CSMD3: variants seen among roughly 807,000 people sequenced by gnomAD.
The protein encoded by CSMD3 is CUB and Sushi multiple domains 3, also known as CUB and sushi domain-containing protein 3.
A neutral mutation model predicts 435.2 loss-of-function variants in CSMD3; 177 were observed. The observed-to-expected ratio is 0.41, with a 90% CI of 0.36 to 0.46. The LOEUF (loss-of-function observed/expected upper bound fraction) is 0.46. CSMD3 is among the 20% of genes least tolerant of loss of function. The pLI, the probability that CSMD3 is intolerant of heterozygous loss-of-function variation, is 0.34. For synonymous variants in CSMD3, 1,656 were observed against 1,520.5 expected, an observed-to-expected ratio of 1.09 and a Z score of -2.07; for missense variants, 4,265 against 4,504.6, an observed-to-expected ratio of 0.95 and a Z score of 1.52.
chr8:112,931,342 C>T (rs1283243705), intron 9 of CSMD3, among the ~76,000 whole-genome samples: 1 of 151,828 alleles, frequency 6.6e-6, no homozygotes, highest in East Asian at 1.9e-4. Context: ...ATTAGAAATG[C>T]CTTTCCAACA....
At chr8:113,257,470 A>G (rs1326146793) in intron 3 of CSMD3, among the ~76,000 whole-genome samples, 2 of 152,148 alleles carry the variant, frequency 1.3e-5, no homozygotes, top group Non-Finnish European at 2.9e-5. Context: ...ACCTGAACAC[A>G]TGAAGTTTCC....
chr8:112,383,598 G>T lies in CSMD3; in HGVS notation c.6000C>A (p.Asp2000Glu), dbSNP rs1388509519. ...WDSLDFYDGG[D>E]NNAPRLGSYS... Reference sequence around the variant, plus strand: ...AGCTTCCAAGTCTTGGAGCATTGTTGTCTCCCCCATCATAAAAGTCCAGAG... The same window carrying T: ...AGCTTCCAAGTCTTGGAGCATTGTTTTCTCCCCCATCATAAAAGTCCAGAG... Residue 2000 changes from aspartate to glutamate, a missense_variant, in exon 37 of 71, where the codon GAC (aspartate) becomes GAA (glutamate). Physicochemically the swap from Asp to Glu is conservative, Grantham distance 45. Coordinates refer to ENST00000297405, the MANE Select transcript of CSMD3 (RefSeq NM_198123.2). 6.2e-7 allele frequency: 1 copy of T among 1,602,938 alleles called. No homozygotes were observed. The highest frequency in any genetic ancestry group is 1.1e-5 in the South Asian group (1 of 90,856).
chr8:113,398,409 T>C (rs1194451920), intron 1 of CSMD3, among the ~76,000 whole-genome samples: 2 of 152,160 alleles, frequency 1.3e-5, no homozygotes, highest in East Asian at 3.9e-4. Flanking sequence ...CACAGTTTAA[T>C]TACTGTAACA....
chr8:113,026,877 A>G (rs960926097), intron 5 of CSMD3, among the ~76,000 whole-genome samples: 1 of 152,286 alleles, frequency 6.6e-6, no homozygotes, highest in East Asian at 1.9e-4. Context: ...AACTCTTCCT[A>G]TGGCATGTCT....
At chr8:112,962,960 A>C (rs2084286514) in intron 7 of CSMD3, among the ~76,000 whole-genome samples, 1 of 151,964 alleles carries the variant, frequency 6.6e-6, no homozygotes. Flanking sequence ...ATTGAATTAG[A>C]ATCTGCAGTT....
chr8:113,404,941 G>A (rs189847579), intron 1 of CSMD3, among the ~76,000 whole-genome samples: 212 of 151,530 alleles, frequency 1.4e-3, no homozygotes, highest in African/African-American at 4.8e-3. Flanking sequence ...GAACTACTAG[G>A]TCGTAGTTAT....
intron 45 of CSMD3, among the ~76,000 whole-genome samples, chr8:112,323,185 A>G (rs1823165736): frequency 6.8e-6 from 1 of 146,180 alleles, no homozygotes. Context: ...ACCTCTTTTC[A>G]TCTGTTTCTC....
At chr8:112,898,868 C>G (rs72680291) in intron 10 of CSMD3, among the ~76,000 whole-genome samples, 21,154 of 150,878 alleles carry the variant, frequency 0.14, 1,709 homozygotes, top group Middle Eastern at 0.29. Context: ...TGGACAACAC[C>G]AAGGGAAACT....
chr8:112,998,799 T>C lies in CSMD3; in HGVS notation c.1030+20268A>G, dbSNP rs139924554. On this transcript the variant is annotated intron_variant, in intron 6 of 70. Transcript: ENST00000297405. ...TCACCCTTTGGTGCTGTTTTGGTGA[T>C]AGGGTTCTCATGAGATCTGGTTGTT... Among the ~76,000 whole-genome samples, 17 of 151,996 alleles carry C rather than the reference T, an allele frequency of 1.1e-4. 1 individual carries two copies. The South Asian group carries it at 1.7e-3, about 15-fold the overall frequency.
intron 2 of CSMD3, chr8:113,311,676 A>G (rs1161925627): frequency 6.6e-6 from 1 of 152,138 alleles, no homozygotes; most frequent in Non-Finnish European, 1.5e-5. Flanking sequence ...CTAATCAAAC[A>G]GCAGATTTTG....
chr8:112,479,170 G>T (rs1185378111), intron 31 of CSMD3, among the ~76,000 whole-genome samples: 1 of 152,214 alleles, frequency 6.6e-6, no homozygotes, highest in Non-Finnish European at 1.5e-5. Context: ...AGGCCCAGGT[G>T]GGGTGTCGCT....
chr8:113,001,355 C>T (rs2085857116), intron 6 of CSMD3, among the ~76,000 whole-genome samples: 1 of 152,106 alleles, frequency 6.6e-6, no homozygotes, highest in Non-Finnish European at 1.5e-5. Context: ...GTTTTAGCCA[C>T]ATGGGCATTT....
In CSMD3 at chr8:112,666,320, T is replaced by C; in HGVS notation, c.2773A>G (p.Ile925Val). ...ATAGAGTGTCCAGGTTCAGCTTCAA[T>C]CACCCACTCACAATTCAAAGAGTCT... is the stretch of plus-strand genomic sequence containing the variant. ...YKDSLNCEWV[I>V]EAEPGHSIKI... Residue 925 changes from isoleucine to valine, a missense_variant, in exon 17 of 71, where the codon ATT (isoleucine) becomes GTT (valine). Physicochemically the swap from Ile to Val is conservative, Grantham distance 29. Coordinates refer to ENST00000297405, the MANE Select transcript of CSMD3 (RefSeq NM_198123.2). The C allele has an allele frequency of 1.2e-6, 2 of 1,612,434 alleles. No individual in the cohort carries two copies. Among genetic ancestry groups the C allele is most frequent in the South Asian group, 1.1e-5 (1 of 90,966 alleles).
intron 1 of CSMD3, among the ~76,000 whole-genome samples, chr8:113,415,781 T>C (rs1002736941): frequency 1.3e-5 from 2 of 152,124 alleles, no homozygotes; most frequent in African/African-American, 4.8e-5. Context: ...AGCAGCTGCT[T>C]CTCTATGAAC....
chr8:112,760,398 C>T (rs560834398), intron 13 of CSMD3, among the ~76,000 whole-genome samples: 1 of 152,130 alleles, frequency 6.6e-6, no homozygotes, highest in Admixed American at 6.5e-5. Context: ...TAAAATATTT[C>T]AATGAAAAAT....
At chr8:112,370,067 AAGAAGAAGAAGAAGAAGT>A (rs1259595432) in intron 38 of CSMD3, among the ~76,000 whole-genome samples, 3 of 148,640 alleles carry the variant, frequency 2.0e-5, no homozygotes, top group Non-Finnish European at 3.0e-5. Context: ...GAAGAAGAAG[AAGAAGAAGAAGAAGAAGT>A]AGTAGTAGTA....
At chr8:112,711,870 A>G (rs2076616443) in intron 13 of CSMD3, among the ~76,000 whole-genome samples, 1 of 152,016 alleles carries the variant, frequency 6.6e-6, no homozygotes, top group South Asian at 2.1e-4. Context: ...CTCAAATATA[A>G]TCCTGCCTCA....
At chr8:112,444,932 A>C (rs1815428159) in intron 32 of CSMD3, among the ~76,000 whole-genome samples, 1 of 152,178 alleles carries the variant, frequency 6.6e-6, no homozygotes, top group African/African-American at 2.4e-5. Context: ...CGTTTTAACA[A>C]AGAAAAATGT....
chr8:113,358,948 A>T (rs1309736747), intron 1 of CSMD3, among the ~76,000 whole-genome samples: 2 of 152,142 alleles, frequency 1.3e-5, no homozygotes, highest in East Asian at 3.8e-4. Flanking sequence ...ATAGCAAAAT[A>T]AAAAAGCTGC....
Sources: gnomAD v4.1 joint callset for allele counts (sites outside exome capture counted in the v4.1 genomes callset) on GRCh38, gnomAD v4.1.1 for gene constraint, MANE v1.5 for transcripts, NCBI Gene and HGNC (gene_info 2026-07-23, HGNC 2026-07-21) for gene names.